The following CLASP1 variants were observed in gnomAD, a reference collection of about 807,000 sequenced individuals.
CLASP1 encodes cytoplasmic linker associated protein 1.
Under a neutral mutation model 192.3 loss-of-function variants are expected in CLASP1, and 38 were observed. The ratio of observed to expected loss-of-function variants is 0.20; its 90% CI spans 0.15 to 0.26. The LOEUF (loss-of-function observed/expected upper bound fraction) is 0.26. CLASP1 is among the 10% of genes least tolerant of loss of function. The pLI is 1.00. For missense variants in CLASP1, 1,433 were observed against 1,932.5 expected (o/e 0.74, Z 4.85); for synonymous variants, 691 against 712.8 (o/e 0.97, Z 0.49).
intron 7 of CLASP1, among the ~76,000 whole-genome samples, chr2:121,503,553 T>C (rs559809486): frequency 2.2e-4 from 33 of 152,354 alleles, no homozygotes; most frequent in African/African-American, 7.9e-4. Context: ...CATTACTGAC[T>C]ACTCTACACA....
chr2:121,560,397 C>T (rs1055612691), intron 2 of CLASP1, among the ~76,000 whole-genome samples: 10 of 152,160 alleles, frequency 6.6e-5, no homozygotes, highest in Non-Finnish European at 1.2e-4. Context: ...TCACCTTGGG[C>T]TTCACATGTG....
rs1559365259 is a variant in CLASP1, at chr2:121,478,661, C to CACA, written c.713-8702_713-8701insTGT. Among the ~76,000 whole-genome samples the CACA allele has an allele frequency of 2.0e-4, 14 of 71,252 alleles. No homozygotes were observed. The East Asian group carries it at 2.0e-3, about 10-fold the overall frequency. The allele number at this position is 71,252 out of a possible 152,430, so 46.7% of individuals were successfully genotyped here. A position where few individuals can be genotyped will look rare whatever the true frequency, so the allele number is the denominator to read the frequency against. ...CACACACACCCCCCACACACACACA[C>CACA]CCCCCACACACACCACACACACACC... On this transcript the variant is annotated intron_variant, in intron 8 of 39. Coordinates refer to ENST00000263710, the Ensembl canonical transcript of CLASP1.
chr2:121,520,905 C>T (rs1243388796), intron 6 of CLASP1, among the ~76,000 whole-genome samples: 1 of 152,182 alleles, frequency 6.6e-6, no homozygotes, highest in Admixed American at 6.5e-5. Context: ...ACAGCCATCA[C>T]ACAATTCTGT....
At chr2:121,535,739 C>G (rs2095048305) in intron 2 of CLASP1, among the ~76,000 whole-genome samples, 2 of 151,678 alleles carry the variant, frequency 1.3e-5, no homozygotes, top group African/African-American at 4.8e-5. Flanking sequence ...ACCTCCATCT[C>G]CCAGCTTCAA....
chr2:121,400,276 T>C (rs1305145794), intron 28 of CLASP1, among the ~76,000 whole-genome samples: 1 of 152,184 alleles, frequency 6.6e-6, no homozygotes, highest in Non-Finnish European at 1.5e-5. Context: ...TTTGAGTTCA[T>C]TAAAAACCAG....
At chr2:121,562,400 C>T (rs1039007352) in intron 2 of CLASP1, among the ~76,000 whole-genome samples, 1 of 152,194 alleles carries the variant, frequency 6.6e-6, no homozygotes, top group African/African-American at 2.4e-5. Context: ...AAATCTGAGT[C>T]TCCTCCCCAT....
intron 13 of CLASP1, 96 bp downstream of exon 13, chr2:121,458,744 C>G (rs970815848): frequency 2.2e-6 from 2 of 904,742 alleles, no homozygotes; most frequent in African/African-American, 3.5e-5. Context: ...AATTTAATGA[C>G]TCAATATAAT....
In CLASP1 at chr2:121,389,241, C is replaced by A. The variant is rs72828995; in HGVS notation, c.3124-1335G>T. ...AATACAGTCATTAATACCTTTTCCA[C>A]CCAAATTAAATAAGTGGTCATAATA... On this transcript the variant is annotated intron_variant, in intron 30 of 39. Coordinates refer to ENST00000263710, the Ensembl canonical transcript of CLASP1. Among the ~76,000 whole-genome samples, 515 of 152,154 alleles carry A rather than the reference C, an allele frequency of 3.4e-3. 2 individuals carry two copies. Among genetic ancestry groups the A allele is most frequent in the Non-Finnish European group, 5.3e-3 (363 of 67,986 alleles).
chr2:121,403,775 ACT>A (rs754570981), intron 26 of CLASP1: 3 of 468,448 alleles, frequency 6.4e-6, no homozygotes, highest in Non-Finnish European at 1.3e-5. Flanking sequence ...CTCAGCTGGG[ACT>A]CTCTCATCAA....
At chr2:121,502,924 T>C (rs908890709) in intron 8 of CLASP1, among the ~76,000 whole-genome samples, 3 of 152,170 alleles carry the variant, frequency 2.0e-5, no homozygotes, top group Non-Finnish European at 1.5e-5. Flanking sequence ...GTTCCTGGGA[T>C]TCAGGACGCA....
chr2:121,590,427 A>T (rs1034095164), intron 2 of CLASP1, among the ~76,000 whole-genome samples: 5 of 152,258 alleles, frequency 3.3e-5, no homozygotes, highest in Non-Finnish European at 5.9e-5. Flanking sequence ...ATATTACATT[A>T]AAAATATTTT....
In CLASP1 at chr2:121,493,461, C is replaced by G. The variant is rs2093403714; in HGVS notation, c.712+9706G>C. On this transcript the variant is annotated intron_variant, in intron 8 of 39. Coordinates refer to ENST00000263710, the Ensembl canonical transcript of CLASP1. ...AATATCCATATGCAGAAGAATAAAACTGGACCCCCATATCTCTCACCACAA... is the reference window on the plus strand; with the variant it reads ...AATATCCATATGCAGAAGAATAAAAGTGGACCCCCATATCTCTCACCACAA... 2.6e-5 allele frequency among the ~76,000 whole-genome samples: 4 copies of G among 152,278 alleles called. No individual in the cohort carries two copies. In the South Asian group the frequency reaches 8.3e-4, roughly 32 times the overall value.
rs138277329 is a variant in CLASP1, at chr2:121,511,806, A to G, written c.644+3859T>C. Among the ~76,000 whole-genome samples, 101 of 152,334 alleles carry G rather than the reference A, an allele frequency of 6.6e-4. 2 individuals are homozygous for G. In the East Asian group the frequency reaches 0.019, roughly 29 times the overall value. On this transcript the variant is annotated intron_variant, in intron 7 of 39. Coordinates refer to ENST00000263710, the Ensembl canonical transcript of CLASP1. Reference sequence around the variant, plus strand: ...TGAGGAACTGTCTTTTCAAAAATGTATCTTATAAATCTAGTTGAATCTCTG... The same window carrying G: ...TGAGGAACTGTCTTTTCAAAAATGTGTCTTATAAATCTAGTTGAATCTCTG...
intron 2 of CLASP1, among the ~76,000 whole-genome samples, chr2:121,585,954 C>G (rs1006162138): frequency 6.6e-6 from 1 of 151,354 alleles, no homozygotes; most frequent in Non-Finnish European, 1.5e-5. Context: ...CTCAAGAGCA[C>G]AGCTACTTGG....
intron 25 of CLASP1, 25 bp from the exon 27 acceptor site, chr2:121,404,459 A>T (rs1472125623): frequency 6.3e-7 from 1 of 1,581,918 alleles, no homozygotes; most frequent in Non-Finnish European, 8.6e-7. Context: ...ACAGAAATCA[A>T]TGAATTTACT....
intron 2 of CLASP1, among the ~76,000 whole-genome samples, chr2:121,604,180 T>C (rs1356811309): frequency 6.6e-6 from 1 of 152,256 alleles, no homozygotes; most frequent in East Asian, 1.9e-4. Flanking sequence ...CCCATGAGTA[T>C]GTAAAATTAT....
intron 14 of CLASP1, among the ~76,000 whole-genome samples, chr2:121,457,448 C>CAA: frequency 7.1e-6 from 1 of 140,474 alleles, no homozygotes; most frequent in South Asian, 2.2e-4. Flanking sequence ...CACTTTCTCT[C>CAA]ACACAGACAT....
chr2:121,387,796 G>A (rs1490547917), exon 31 of CLASP1: 1 of 1,614,000 alleles, frequency 6.2e-7, no homozygotes, highest in Non-Finnish European at 8.5e-7. Flanking sequence ...TGAGGTGGTT[G>A]TGCAGGAGTT....
intron 2 of CLASP1, among the ~76,000 whole-genome samples, chr2:121,543,782 C>T (rs554885967): frequency 6.4e-4 from 97 of 152,180 alleles, no homozygotes; most frequent in Non-Finnish European, 1.1e-3. Flanking sequence ...AAAAAGACCA[C>T]AAACTACTCA....
Sources: allele counts gnomAD v4.1 joint callset (sites outside exome capture counted in the v4.1 genomes callset), GRCh38; gene constraint gnomAD v4.1.1; transcripts MANE v1.5; gene names NCBI Gene and HGNC (gene_info 2026-07-23, HGNC 2026-07-21).